SPDYE10: variants seen among roughly 807,000 people sequenced by gnomAD.
SPDYE10 encodes speedy/RINGO cell cycle regulator family member E10.
the SPDYE10 span, among the ~76,000 whole-genome samples, chr7:73,130,123 C>A: frequency 2.3e-4 from 34 of 150,046 alleles, no homozygotes; most frequent in African/African-American, 8.3e-4. Context: ...GGATTACAGG[C>A]GTGAGCAGCC....
the SPDYE10 span, among the ~76,000 whole-genome samples, chr7:73,114,695 G>A: frequency 7.1e-6 from 1 of 141,612 alleles, no homozygotes; most frequent in African/African-American, 2.6e-5. Flanking sequence ...CGCCACCACG[G>A]GTGTCTAATT....
the SPDYE10 span, among the ~76,000 whole-genome samples, chr7:73,120,485 G>A: frequency 1.6e-5 from 1 of 60,618 alleles, no homozygotes; most frequent in Non-Finnish European, 3.1e-5. Flanking sequence ...CAGGTGAGAG[G>A]CAAAAAGATA....
the SPDYE10 span, among the ~76,000 whole-genome samples, chr7:73,137,501 A>C: frequency 6.6e-6 from 1 of 150,442 alleles, no homozygotes; most frequent in African/African-American, 2.5e-5. Flanking sequence ...CAGCCTGGGC[A>C]ACACAGTGAG....
the SPDYE10 span, among the ~76,000 whole-genome samples, chr7:73,134,429 G>C: frequency 6.7e-6 from 1 of 150,192 alleles, no homozygotes; most frequent in Non-Finnish European, 1.5e-5. Flanking sequence ...TAAATGATGA[G>C]TTAATGGGTG....
the SPDYE10 span, among the ~76,000 whole-genome samples, chr7:73,149,968 G>A: frequency 4.4e-5 from 1 of 22,504 alleles, no homozygotes; most frequent in Non-Finnish European, 9.1e-5. Context: ...GAAAAGGGCA[G>A]TGCTAAGGAA....
the SPDYE10 span, among the ~76,000 whole-genome samples, chr7:73,126,791 A>G: frequency 6.6e-6 from 1 of 150,848 alleles, no homozygotes; most frequent in Admixed American, 6.6e-5. Flanking sequence ...AATTCTCCCA[A>G]GTAACTGGGA....
chr7:73,127,650 A>C, the SPDYE10 span, among the ~76,000 whole-genome samples: 2 of 129,632 alleles, frequency 1.5e-5, no homozygotes, highest in Non-Finnish European at 3.4e-5. Flanking sequence ...AAAAAAAAAA[A>C]AAAAAACAGG....
At chr7:73,114,125 AGG>A in the SPDYE10 span, among the ~76,000 whole-genome samples, 6 of 131,346 alleles carry the variant, frequency 4.6e-5, no homozygotes, top group African/African-American at 1.7e-4. Context: ...CAGGAGGCGG[AGG>A]TTGCAGTGAG....
chr7:73,134,730 C>T, the SPDYE10 span, among the ~76,000 whole-genome samples: 1 of 152,254 alleles, frequency 6.6e-6, no homozygotes, highest in Admixed American at 6.5e-5. Context: ...GGCTTGGTGG[C>T]ATGCACCTGT....
the SPDYE10 span, among the ~76,000 whole-genome samples, chr7:73,117,008 G>A: frequency 1.3e-5 from 2 of 151,920 alleles, no homozygotes; most frequent in East Asian, 3.8e-4. Flanking sequence ...TGATTCTCGT[G>A]CCTCAGCCTC....
At chr7:73,123,190 A>AT in the SPDYE10 span, among the ~76,000 whole-genome samples, 1 of 152,240 alleles carries the variant, frequency 6.6e-6, no homozygotes, top group Non-Finnish European at 1.5e-5. Flanking sequence ...CAGGTGAGAC[A>AT]TTCGGTCATG....
At chr7:73,145,111 CTTTCTTTCTTTCT>C in the SPDYE10 span, among the ~76,000 whole-genome samples, 116 of 141,086 alleles carry the variant, frequency 8.2e-4, no homozygotes, top group African/African-American at 2.9e-3. Context: ...TTTCCTCTTT[CTTTCTTTCTTTCT>C]TTTCTTTCTT....
At chr7:73,150,941 TATATA>T in the SPDYE10 span, among the ~76,000 whole-genome samples, 17 of 20,662 alleles carry the variant, frequency 8.2e-4, no homozygotes, top group African/African-American at 3.3e-3. Context: ...TATATATATA[TATATA>T]TATTTTTTTT....
chr7:73,114,605 C>T, the SPDYE10 span, among the ~76,000 whole-genome samples: 6 of 139,070 alleles, frequency 4.3e-5, no homozygotes, highest in African/African-American at 1.3e-4. Context: ...GGCATGATCT[C>T]GGCTCACTGC....
the SPDYE10 span, among the ~76,000 whole-genome samples, chr7:73,130,362 G>A: frequency 8.9e-4 from 135 of 152,074 alleles, no homozygotes; most frequent in Non-Finnish European, 1.0e-3. Flanking sequence ...ATGGTTAACA[G>A]GATAGAGCTT....
chr7:73,122,918 C>G, the SPDYE10 span, among the ~76,000 whole-genome samples: 1 of 152,100 alleles, frequency 6.6e-6, no homozygotes, highest in Non-Finnish European at 1.5e-5. Context: ...GTTTTTAGAA[C>G]AAGAACATCA....
chr7:73,154,803 A>G, the SPDYE10 span: 2 of 206,704 alleles, frequency 9.7e-6, no homozygotes, highest in African/African-American at 2.5e-5. Context: ...CCCCCGCGGC[A>G]GCAACAGCAG....
At chr7:73,110,349 TTTTC>T in the SPDYE10 span, among the ~76,000 whole-genome samples, 6 of 115,794 alleles carry the variant, frequency 5.2e-5, no homozygotes, top group East Asian at 2.2e-4. Context: ...TTGATTTTGT[TTTTC>T]TTTATTTGAT....
the SPDYE10 span, among the ~76,000 whole-genome samples, chr7:73,143,318 G>C: frequency 3.9e-5 from 6 of 151,990 alleles, no homozygotes; most frequent in Non-Finnish European, 2.9e-5. Flanking sequence ...CAAGAAGCAT[G>C]GTGCCAGCAT....
Sources: gnomAD v4.1 joint callset for allele counts (sites outside exome capture counted in the v4.1 genomes callset) on GRCh38, gnomAD v4.1.1 for gene constraint, MANE v1.5 for transcripts, NCBI Gene and HGNC (gene_info 2026-07-23, HGNC 2026-07-21) for gene names.